The following WWOX variants were observed in gnomAD, a reference collection of about 807,000 sequenced individuals.
WWOX encodes the protein WW domain containing oxidoreductase, also known as WW domain-containing oxidoreductase.
A neutral mutation model predicts 46.2 loss-of-function variants in WWOX; 69 were observed. The ratio of observed to expected loss-of-function variants is 1.49; its 90% CI spans 1.23 to 1.82. The LOEUF (loss-of-function observed/expected upper bound fraction) is 1.82. WWOX is among the 40% of genes most tolerant of loss of function. The pLI, the probability that WWOX is intolerant of heterozygous loss-of-function variation, is 0.00. For synonymous variants in WWOX, 359 were observed against 202.6 expected, an observed-to-expected ratio of 1.77 and a Z score of -6.56; for missense variants, 919 against 542.6, an observed-to-expected ratio of 1.69 and a Z score of -6.89.
At chr16:78,815,247 C>A (rs2051298937) in intron 8 of WWOX, among the ~76,000 whole-genome samples, 1 of 151,966 alleles carries the variant, frequency 6.6e-6, no homozygotes, top group Admixed American at 6.5e-5. Context: ...TTTCCTTAAG[C>A]CTCGGAGATG....
intron 8 of WWOX, among the ~76,000 whole-genome samples, chr16:78,794,350 G>C (rs969201630): frequency 2.0e-5 from 3 of 152,026 alleles, no homozygotes; most frequent in Non-Finnish European, 4.4e-5. Context: ...CTCTCGGTCT[G>C]TTCTGGCTCA....
chr16:78,987,805 C>T (rs973626231), intron 8 of WWOX, among the ~76,000 whole-genome samples: 1 of 152,156 alleles, frequency 6.6e-6, no homozygotes, highest in African/African-American at 2.4e-5. Flanking sequence ...AAAATGTGCT[C>T]TCCAAAAATT....
chr16:78,422,710 TACACACACAC>T (rs1245741444), intron 6 of WWOX, among the ~76,000 whole-genome samples: 3 of 83,902 alleles, frequency 3.6e-5, no homozygotes, highest in African/African-American at 1.2e-4. Context: ...CATATATATA[TACACACACAC>T]ATATATATAT....
intron 8 of WWOX, among the ~76,000 whole-genome samples, chr16:78,905,307 C>G (rs1021173612): frequency 2.6e-5 from 4 of 152,182 alleles, no homozygotes; most frequent in Admixed American, 1.3e-4. Context: ...CAATATGAAG[C>G]AAATCTAAGA....
intron 8 of WWOX, among the ~76,000 whole-genome samples, chr16:78,929,368 C>G (rs2045570252): frequency 6.6e-6 from 1 of 151,794 alleles, no homozygotes; most frequent in African/African-American, 2.4e-5. Context: ...ATTTTTTCTC[C>G]TGCTTGCCTT....
At chr16:78,700,616 C>T (rs1048491553) in intron 8 of WWOX, among the ~76,000 whole-genome samples, 6 of 152,184 alleles carry the variant, frequency 3.9e-5, no homozygotes, top group Admixed American at 3.3e-4. Context: ...GCTGTTACCT[C>T]CTGTCATAGG....
At chr16:78,918,246 A>G (rs779199216) in intron 8 of WWOX, among the ~76,000 whole-genome samples, 1 of 152,162 alleles carries the variant, frequency 6.6e-6, no homozygotes, top group Non-Finnish European at 1.5e-5. Context: ...CCCTATCAAA[A>G]TTTTAAAAAA....
intron 8 of WWOX, among the ~76,000 whole-genome samples, chr16:79,003,568 T>C (rs1468000383): frequency 6.6e-6 from 1 of 152,094 alleles, no homozygotes; most frequent in Non-Finnish European, 1.5e-5. Context: ...TGGAGGTCAT[T>C]TAGTGGAATC....
intron 2 of WWOX, among the ~76,000 whole-genome samples, 198 bp downstream of exon 2, chr16:78,108,685 C>A (rs183242210): frequency 2.3e-4 from 35 of 152,310 alleles, no homozygotes; most frequent in African/African-American, 7.7e-4. Context: ...TGATTTCTTA[C>A]TGGTCTTAAA....
At chr16:78,648,652 A>C (rs1278283766) in intron 8 of WWOX, among the ~76,000 whole-genome samples, 2 of 152,158 alleles carry the variant, frequency 1.3e-5, no homozygotes, top group Non-Finnish European at 2.9e-5. Context: ...CCAATCATAC[A>C]GGATGTCCTG....
At chr16:79,054,317 C>G (rs1312933076) in intron 8 of WWOX, among the ~76,000 whole-genome samples, 6 of 152,184 alleles carry the variant, frequency 3.9e-5, no homozygotes, top group African/African-American at 4.8e-5. Context: ...TATCCCCCAG[C>G]TATCCCGGTT....
intron 8 of WWOX, among the ~76,000 whole-genome samples, chr16:78,729,181 A>G (rs2048905619): frequency 6.6e-6 from 1 of 151,868 alleles, no homozygotes; most frequent in South Asian, 2.1e-4. Flanking sequence ...TATCCGTAAA[A>G]AAAATAAAAA....
At chr16:79,014,088 C>T (rs1451929476) in intron 8 of WWOX, among the ~76,000 whole-genome samples, 6 of 152,208 alleles carry the variant, frequency 3.9e-5, no homozygotes, top group African/African-American at 1.4e-4. Context: ...GTCTGCATTT[C>T]GTCGCTTTAG....
At chr16:78,458,494 C>A (rs1026330287) in intron 8 of WWOX, among the ~76,000 whole-genome samples, 2 of 152,056 alleles carry the variant, frequency 1.3e-5, no homozygotes, top group African/African-American at 4.8e-5. Flanking sequence ...CTCCTGTGCT[C>A]AAGCCATCCT....
chr16:78,585,922 C>T (rs538601753), intron 8 of WWOX, among the ~76,000 whole-genome samples: 5 of 152,036 alleles, frequency 3.3e-5, no homozygotes, highest in South Asian at 2.1e-4. Flanking sequence ...TGGTGATCAG[C>T]GTGGTGGCTC....
chr16:78,629,774 C>T (rs553910468), intron 8 of WWOX, among the ~76,000 whole-genome samples: 1 of 152,190 alleles, frequency 6.6e-6, no homozygotes, highest in African/African-American at 2.4e-5. Context: ...GTGCAGGGGT[C>T]TTTCATATAA....
intron 8 of WWOX, among the ~76,000 whole-genome samples, chr16:78,748,101 T>G (rs989607520): frequency 2.6e-5 from 4 of 152,160 alleles, no homozygotes; most frequent in Admixed American, 2.6e-4. Flanking sequence ...GCTCTTTCTC[T>G]CCCAGACCGG....
At chr16:78,562,603 A>AC (rs765019179) in intron 8 of WWOX, among the ~76,000 whole-genome samples, 1 of 151,862 alleles carries the variant, frequency 6.6e-6, no homozygotes, top group East Asian at 1.9e-4. Context: ...CCTGTCACTT[A>AC]CTCCCATTGG....
intron 8 of WWOX, among the ~76,000 whole-genome samples, chr16:79,048,305 G>T (rs189049924): frequency 5.7e-4 from 87 of 152,146 alleles, no homozygotes; most frequent in East Asian, 1.9e-3. Context: ...TCAGATGGAA[G>T]CCCAGGGGCC....
Sources: gnomAD v4.1 joint callset for allele counts (sites outside exome capture counted in the v4.1 genomes callset) on GRCh38, gnomAD v4.1.1 for gene constraint, MANE v1.5 for transcripts, NCBI Gene and HGNC (gene_info 2026-07-23, HGNC 2026-07-21) for gene names.